The following SUPT3H variants were observed in gnomAD, a reference collection of about 807,000 sequenced individuals.
SUPT3H encodes SPT3 homolog, SAGA and STAGA complex component, also known as transcription initiation protein SPT3 homolog.
In SUPT3H, 44 loss-of-function variants were observed where a neutral mutation model predicts 44.3. The observed-to-expected ratio is 0.99, with a 90% CI of 0.78 to 1.28. The LOEUF (loss-of-function observed/expected upper bound fraction) is 1.28, where lower values mean the gene tolerates loss of function less well. Ranked by LOEUF, SUPT3H falls within the 50% of genes most tolerant of loss-of-function variation. SUPT3H has a pLI of 0.00. For missense variants in SUPT3H, 380 were observed against 387.1 expected, an observed-to-expected ratio of 0.98 and a Z score of 0.15; for synonymous variants, 124 against 125.6, an observed-to-expected ratio of 0.99 and a Z score of 0.09.
chr6:45,172,983 T>C (rs1811078484), intron 2 of SUPT3H, among the ~76,000 whole-genome samples: 1 of 152,214 alleles, frequency 6.6e-6, no homozygotes, highest in Non-Finnish European at 1.5e-5. Flanking sequence ...AAAAGTCCTT[T>C]ATCAAAAACT....
intron 2 of SUPT3H, among the ~76,000 whole-genome samples, chr6:45,283,412 CA>C (rs1374902324): frequency 2.6e-5 from 4 of 151,502 alleles, no homozygotes; most frequent in African/African-American, 9.7e-5. Context: ...AAATGGAAAA[CA>C]AAAAAAGGCA....
intron 3 of SUPT3H, among the ~76,000 whole-genome samples, chr6:45,036,637 G>A (rs1030700868): frequency 6.6e-5 from 10 of 151,950 alleles, no homozygotes; most frequent in African/African-American, 2.2e-4. Context: ...CATAATCTGA[G>A]GAAAAATAAT....
At chr6:44,820,754 G>C (rs911940655) in intron 11 of SUPT3H, among the ~76,000 whole-genome samples, 53 of 152,324 alleles carry the variant, frequency 3.5e-4, no homozygotes, top group Middle Eastern at 3.4e-3. Context: ...GTAAGTGTTA[G>C]AGTGAAAAAG....
chr6:44,881,226 G>A (rs539981705), intron 10 of SUPT3H, among the ~76,000 whole-genome samples: 1 of 152,014 alleles, frequency 6.6e-6, no homozygotes, highest in Non-Finnish European at 1.5e-5. Context: ...GCAAAAAAAA[G>A]CAGGGGTTGC....
At chr6:45,001,147 A>ATC (rs1781957146) in intron 6 of SUPT3H, among the ~76,000 whole-genome samples, 1 of 152,018 alleles carries the variant, frequency 6.6e-6, no homozygotes, top group Non-Finnish European at 1.5e-5. Context: ...TTAGAATGAA[A>ATC]GAAACATTAG....
intron 2 of SUPT3H, among the ~76,000 whole-genome samples, chr6:45,157,715 A>G (rs1361676516): frequency 6.6e-6 from 1 of 151,478 alleles, no homozygotes; most frequent in Non-Finnish European, 1.5e-5. Flanking sequence ...TGCCCGGCTA[A>G]TTTTTGTATT....
At chr6:45,331,184 A>G (rs1273357581) in intron 2 of SUPT3H, among the ~76,000 whole-genome samples, 1 of 151,930 alleles carries the variant, frequency 6.6e-6, no homozygotes, top group African/African-American at 2.4e-5. Flanking sequence ...ATCTCTCAGC[A>G]TACTTCACTT....
At position 44,961,747 on chromosome 6, in the gene SUPT3H, A is replaced by G; in HGVS notation, c.580+6T>C. 4 of 1,598,600 alleles carry G rather than the reference A, an allele frequency of 2.5e-6. No homozygotes were observed. Among genetic ancestry groups the G allele is most frequent in the Non-Finnish European group, 3.4e-6 (4 of 1,171,730 alleles). ...TATAATTAAGCAAAGTTAAATAGTT[A>G]CTTACAGAAACTTAATTGTCGACTT... On this transcript the variant is annotated splice_donor_region_variant and intron_variant, in intron 7 of 10. Transcript: ENST00000371459.
intron 9 of SUPT3H, among the ~76,000 whole-genome samples, chr6:44,949,092 A>G (rs1026064003): frequency 6.6e-6 from 1 of 152,184 alleles, no homozygotes; most frequent in Admixed American, 6.5e-5. Context: ...TCCTTTGTAG[A>G]GACATGTATG....
At chr6:45,315,105 A>T (rs1031366472) in intron 2 of SUPT3H, among the ~76,000 whole-genome samples, 4 of 152,160 alleles carry the variant, frequency 2.6e-5, no homozygotes, top group Admixed American at 2.0e-4. Context: ...ATGAAACTCG[A>T]TCCTCATCTC....
At chr6:45,308,259 T>C (rs1390626289) in intron 2 of SUPT3H, among the ~76,000 whole-genome samples, 1 of 152,022 alleles carries the variant, frequency 6.6e-6, no homozygotes, top group Non-Finnish European at 1.5e-5. Flanking sequence ...GCCACAAAGA[T>C]ACTCCTCGAG....
chr6:44,841,709 G>A (rs753663494), intron 10 of SUPT3H, among the ~76,000 whole-genome samples: 1 of 152,200 alleles, frequency 6.6e-6, no homozygotes, highest in Non-Finnish European at 1.5e-5. Context: ...AATGCTTAAT[G>A]CATCTTTGGG....
intron 2 of SUPT3H, among the ~76,000 whole-genome samples, chr6:45,233,415 G>A (rs1768444729): frequency 6.6e-6 from 1 of 152,334 alleles, no homozygotes; most frequent in African/African-American, 2.4e-5. Context: ...GAGCCAGCGT[G>A]AGTACCCTGT....
At chr6:45,248,296 A>T (rs907353071) in intron 2 of SUPT3H, among the ~76,000 whole-genome samples, 1 of 152,152 alleles carries the variant, frequency 6.6e-6, no homozygotes, top group African/African-American at 2.4e-5. Context: ...TGGAAAAATG[A>T]AAAGCTACAT....
In SUPT3H at chr6:45,164,850, C is replaced by T. The variant is rs569542537; in HGVS notation, c.102-58844G>A. Among the ~76,000 whole-genome samples, 4 of 152,224 alleles carry T rather than the reference C, an allele frequency of 2.6e-5. No individual in the cohort carries two copies. In the South Asian group the frequency reaches 6.2e-4, roughly 24 times the overall value. On this transcript the variant is annotated intron_variant, in intron 2 of 10. Coordinates refer to ENST00000371459, the MANE Select transcript of SUPT3H (RefSeq NM_003599.4). ...TTCAGGATGTAGAGATCCACAATAACTGTTCTCTCATACCAAACAAAAGTT... is the reference window on the plus strand; with the variant it reads ...TTCAGGATGTAGAGATCCACAATAATTGTTCTCTCATACCAAACAAAAGTT...
intron 6 of SUPT3H, among the ~76,000 whole-genome samples, chr6:44,995,270 T>C (rs1462228555): frequency 6.6e-6 from 1 of 152,136 alleles, no homozygotes; most frequent in East Asian, 1.9e-4. Flanking sequence ...GAAACTAGAA[T>C]CTTCCTGATA....
chr6:45,237,622 T>C (rs56300352), intron 2 of SUPT3H, among the ~76,000 whole-genome samples: 6,420 of 152,274 alleles, frequency 0.042, 154 homozygotes, highest in Non-Finnish European at 0.056. Flanking sequence ...TCATTTTTGA[T>C]GGCAGCCATT....
intron 2 of SUPT3H, among the ~76,000 whole-genome samples, chr6:45,216,972 T>C (rs1436195602): frequency 6.6e-6 from 1 of 152,084 alleles, no homozygotes; most frequent in Non-Finnish European, 1.5e-5. Flanking sequence ...AGAATAGTAG[T>C]TATTAGAGAC....
At chr6:45,374,362 CT>C (rs1479352756) in intron 1 of SUPT3H, among the ~76,000 whole-genome samples, 4 of 152,098 alleles carry the variant, frequency 2.6e-5, no homozygotes, top group Non-Finnish European at 5.9e-5. Flanking sequence ...TTAAATTAAC[CT>C]CTTATGAACC....
Sources: allele counts gnomAD v4.1 joint callset (sites outside exome capture counted in the v4.1 genomes callset), GRCh38; gene constraint gnomAD v4.1.1; transcripts MANE v1.5; gene names NCBI Gene and HGNC (gene_info 2026-07-23, HGNC 2026-07-21).